The following SGMS1 variants were observed in gnomAD, a reference collection of about 807,000 sequenced individuals.
SGMS1 encodes phosphatidylcholine:ceramide cholinephosphotransferase 1.
A neutral mutation model predicts 46.2 loss-of-function variants in SGMS1; 13 were observed. That is an observed-to-expected ratio of 0.28 (90% CI 0.18 to 0.45). SGMS1 has a LOEUF of 0.45. SGMS1 is among the 20% of genes least tolerant of loss of function. SGMS1 has a pLI of 1.00. For synonymous variants in SGMS1, 203 were observed against 187.8 expected (o/e 1.08, Z -0.66); for missense variants, 324 against 519.9 (o/e 0.62, Z 3.66).
chr10:50,537,415 T>C (rs938547971), intron 2 of SGMS1, among the ~76,000 whole-genome samples: 59 of 149,736 alleles, frequency 3.9e-4, no homozygotes, highest in South Asian at 8.5e-4. Context: ...CTTAGCATCA[T>C]CCTGTTTCTT....
chr10:50,570,934 C>T (rs1564434661), intron 2 of SGMS1, among the ~76,000 whole-genome samples: 1 of 151,924 alleles, frequency 6.6e-6, no homozygotes, highest in Admixed American at 6.6e-5. Flanking sequence ...AACAGAGAGA[C>T]CCTGTCTTTA....
chr10:50,381,130 T>C (rs1848597601), intron 6 of SGMS1, among the ~76,000 whole-genome samples: 1 of 151,864 alleles, frequency 6.6e-6, no homozygotes, highest in Admixed American at 6.6e-5. Context: ...TGCCTAGCCT[T>C]GATGGCTGTT....
intron 7 of SGMS1, among the ~76,000 whole-genome samples, chr10:50,331,965 A>C (rs912236652): frequency 2.6e-5 from 4 of 152,156 alleles, no homozygotes; most frequent in African/African-American, 9.7e-5. Flanking sequence ...AGTCTACGAT[A>C]TTTTGTTATT....
intron 1 of SGMS1, among the ~76,000 whole-genome samples, chr10:50,608,166 A>G (rs1308159898): frequency 6.6e-6 from 1 of 152,182 alleles, no homozygotes; most frequent in Non-Finnish European, 1.5e-5. Context: ...TATTCCTTTC[A>G]GCATTCCACC....
At chr10:50,608,608 G>T (rs543969989) in intron 1 of SGMS1, among the ~76,000 whole-genome samples, 1 of 152,118 alleles carries the variant, frequency 6.6e-6, no homozygotes, top group African/African-American at 2.4e-5. Context: ...TATTATCATC[G>T]AAATTTAATC....
chr10:50,594,373 C>T (rs10826228), intron 1 of SGMS1, among the ~76,000 whole-genome samples: 31,827 of 152,108 alleles, frequency 0.21, 4,289 homozygotes, highest in East Asian at 0.64. Flanking sequence ...TATGGGCCCA[C>T]CTGACTGGTA....
At chr10:50,437,638 C>T (rs1203408) in intron 5 of SGMS1, among the ~76,000 whole-genome samples, 79,692 of 151,940 alleles carry the variant, frequency 0.52, 21,363 homozygotes, top group Non-Finnish European at 0.58. Flanking sequence ...GAAGATAACA[C>T]AAGAGTTACT....
chr10:50,560,919 G>C (rs1315870427), intron 2 of SGMS1, among the ~76,000 whole-genome samples: 1 of 152,114 alleles, frequency 6.6e-6, no homozygotes, highest in Non-Finnish European at 1.5e-5. Context: ...TACTCGGCAA[G>C]GGACAGAAAA....
chr10:50,478,383 T>C (rs895043959), intron 3 of SGMS1, among the ~76,000 whole-genome samples: 1 of 152,202 alleles, frequency 6.6e-6, no homozygotes, highest in Non-Finnish European at 1.5e-5. Context: ...AAGTAACACA[T>C]GTATTTGTAA....
intron 2 of SGMS1, among the ~76,000 whole-genome samples, chr10:50,524,744 A>C (rs1340754155): frequency 6.6e-6 from 1 of 152,208 alleles, no homozygotes; most frequent in Non-Finnish European, 1.5e-5. Flanking sequence ...CACAGAGCTC[A>C]TAGGCTTTTC....
intron 6 of SGMS1, among the ~76,000 whole-genome samples, chr10:50,425,992 A>C (rs1275703357): frequency 6.6e-6 from 1 of 152,226 alleles, no homozygotes; most frequent in Non-Finnish European, 1.5e-5. Context: ...AATAGAGAAA[A>C]CAGGAAACAA....
chr10:50,516,279 T>C (rs554504525), intron 3 of SGMS1, among the ~76,000 whole-genome samples: 4 of 152,348 alleles, frequency 2.6e-5, no homozygotes, highest in Admixed American at 2.6e-4. Context: ...TGCTGCTTTC[T>C]ATGCCTATTA....
intron 6 of SGMS1, among the ~76,000 whole-genome samples, chr10:50,375,025 C>T (rs1473026424): frequency 6.6e-6 from 1 of 151,966 alleles, no homozygotes; most frequent in African/African-American, 2.4e-5. Flanking sequence ...TTGCAGAACT[C>T]AGGACAGAGG....
At chr10:50,567,232 A>G (rs1838296489) in intron 2 of SGMS1, among the ~76,000 whole-genome samples, 1 of 152,206 alleles carries the variant, frequency 6.6e-6, no homozygotes, top group Admixed American at 6.5e-5. Flanking sequence ...GATGTGAGCC[A>G]TCGCACCCGG....
chr10:50,511,193 T>C (rs1837750916), intron 3 of SGMS1, among the ~76,000 whole-genome samples: 1 of 151,466 alleles, frequency 6.6e-6, no homozygotes, highest in African/African-American at 2.4e-5. Flanking sequence ...AAGAGAACAG[T>C]ACTTCCTGCC....
chr10:50,407,818 A>G (rs1234697460), intron 6 of SGMS1, among the ~76,000 whole-genome samples: 1 of 152,192 alleles, frequency 6.6e-6, no homozygotes, highest in Admixed American at 6.5e-5. Context: ...AGAGCCAGTT[A>G]AACCCCTGAA....
intron 8 of SGMS1, among the ~76,000 whole-genome samples, chr10:50,325,383 G>A (rs995306047): frequency 6.6e-6 from 1 of 152,258 alleles, no homozygotes; most frequent in East Asian, 1.9e-4. Context: ...TCTAAGGTGT[G>A]CTAATATTTC....
chr10:50,391,673 A>G lies in SGMS1; in HGVS notation c.-232+41803T>C, dbSNP rs563657410. Among the ~76,000 whole-genome samples the G allele has an allele frequency of 8.5e-5, 13 of 152,212 alleles. No homozygotes were observed. The South Asian group carries it at 2.7e-3, about 32-fold the overall frequency. Reference sequence around the variant, plus strand: ...CTAGTAATCCCATTATTGGGTATTTACCCAAAGGAATATAAATTGTTCTAT... The same window carrying G: ...CTAGTAATCCCATTATTGGGTATTTGCCCAAAGGAATATAAATTGTTCTAT... On this transcript the variant is annotated intron_variant, in intron 6 of 10. Coordinates refer to ENST00000361781, the MANE Select transcript of SGMS1 (RefSeq NM_147156.4).
At chr10:50,485,974 T>C (rs1044883174) in intron 3 of SGMS1, among the ~76,000 whole-genome samples, 8 of 152,022 alleles carry the variant, frequency 5.3e-5, no homozygotes, top group African/African-American at 1.4e-4. Context: ...AACAGGCACA[T>C]AGACCAATGG....
Sources: gnomAD v4.1 joint callset for allele counts (sites outside exome capture counted in the v4.1 genomes callset) on GRCh38, gnomAD v4.1.1 for gene constraint, MANE v1.5 for transcripts, NCBI Gene and HGNC (gene_info 2026-07-23, HGNC 2026-07-21) for gene names.